TAFAZZIN: variants seen among roughly 807,000 people sequenced by gnomAD.
The protein encoded by TAFAZZIN is tafazzin, phospholipid-lysophospholipid transacylase.
In TAFAZZIN, 6 loss-of-function variants were observed where a neutral mutation model predicts 27.3. The ratio of observed to expected loss-of-function variants is 0.22; its 90% CI spans 0.12 to 0.43. TAFAZZIN has a LOEUF of 0.43. TAFAZZIN is among the 20% of genes least tolerant of loss of function. The pLI is 1.00. For synonymous variants in TAFAZZIN, 79 were observed against 96.2 expected, an observed-to-expected ratio of 0.82 and a Z score of 1.04; for missense variants, 127 against 244.5, an observed-to-expected ratio of 0.52 and a Z score of 3.21.
At chrX:154,420,576 T>TA (rs1485923597) in intron 9 of TAFAZZIN, 82 bp from the exon 10 acceptor site, 51 of 1,085,320 alleles carry the variant, frequency 4.7e-5, no homozygotes, top group Non-Finnish European at 6.1e-5. Flanking sequence ...GGCCGGGGCT[T>TA]AGCTTCTGGC....
At chrX:154,419,961 G>A in intron 7 of TAFAZZIN, 71 bp from the exon 8 acceptor site, 1 of 1,183,192 alleles carries the variant, frequency 8.5e-7, no homozygotes, top group African/African-American at 1.7e-5. Flanking sequence ...GGTGGCAGTG[G>A]CCAGAGGCTG....
In TAFAZZIN at chrX:154,413,238, G is replaced by A. The variant is rs781986219; in HGVS notation, c.270G>A (p.Leu90=). The part of the protein sequence containing the change: ...GILKLRHIWN[L]KLMRWTPAAA... ...TGAAACTCCGCCACATCTGGAACCT[G>A]AAGTTGATGCGTTGGTGAGGAGGAA... The change falls in exon 3 of 11, where the codon CTG becomes CTA. Residue 90 remains leucine, a synonymous_variant. Coordinates refer to ENST00000601016, the MANE Select transcript of TAFAZZIN (RefSeq NM_000116.5). 8 of 1,210,713 alleles carry A rather than the reference G, an allele frequency of 6.6e-6. No homozygotes were observed. In the East Asian group the frequency reaches 2.4e-4, roughly 36 times the overall value.
At chrX:154,412,036 C>T (rs1557190977) in intron 1 of TAFAZZIN, 50 bp from the exon 2 acceptor site, 1 of 1,207,681 alleles carries the variant, frequency 8.3e-7, no homozygotes, top group Non-Finnish European at 1.1e-6. Context: ...ACGCCGCGGC[C>T]CCGACCTAGC....
intron 2 of TAFAZZIN, chrX:154,412,759 C>T (rs1201808661): frequency 1.9e-5 from 4 of 205,622 alleles, no homozygotes; most frequent in African/African-American, 1.2e-4. Context: ...CACTCCTGAA[C>T]AGAGAGCTTA....
In TAFAZZIN at chrX:154,420,675, C is replaced by T. The variant is rs781794488; in HGVS notation, c.717C>T (p.Ile239=). The part of the protein sequence containing the change: ...PRFGQKITVL[I]GKPFSALPVL... ...CCCCACAGAAAATCACTGTGCTGAT[C>T]GGGAAGCCCTTCAGTGCCCTGCCTG... The change falls in exon 10 of 11, where the codon ATC becomes ATT. Residue 239 remains isoleucine, a synonymous_variant. Coordinates refer to ENST00000601016, the MANE Select transcript of TAFAZZIN (RefSeq NM_000116.5). The T allele has an allele frequency of 8.3e-7, 1 of 1,211,439 alleles. No individual in the cohort carries two copies. The highest frequency in any genetic ancestry group is 1.1e-6 in the Non-Finnish European group (1 of 895,334).
chrX:154,411,718 C>T lies in TAFAZZIN; in HGVS notation c.-126C>T, dbSNP rs781986704. Reference sequence around the variant, plus strand: ...CTCGGTCCAGTCCCCTGTTGCGCCGCGCCCCCGTCCGTCCGTGCGCGGGCC... The same window carrying T: ...CTCGGTCCAGTCCCCTGTTGCGCCGTGCCCCCGTCCGTCCGTGCGCGGGCC... On this transcript the variant is annotated 5_prime_UTR_variant, in exon 1 of 11. Transcript: ENST00000601016. 9.4e-6 allele frequency: 6 copies of T among 637,124 alleles called. No homozygotes were observed. The highest frequency in any genetic ancestry group is 1.4e-5 in the Non-Finnish European group (6 of 417,262). The allele number at this position is 637,124 out of a possible 1,213,427, so 52.5% of individuals were successfully genotyped here.
At position 154,419,882 on chromosome X, in the gene TAFAZZIN, T is replaced by G. The variant is rs1416104530; in HGVS notation, c.583+136T>G. ...TTTGTAGCGCCAGGAAGGGGACAGGTGCTGAGACTAGGCCTGCCTCTCGCA... is the reference window on the plus strand; with the variant it reads ...TTTGTAGCGCCAGGAAGGGGACAGGGGCTGAGACTAGGCCTGCCTCTCGCA... On this transcript the variant is annotated intron_variant, in intron 7 of 10. Coordinates refer to ENST00000601016, the MANE Select transcript of TAFAZZIN (RefSeq NM_000116.5). The G allele has an allele frequency of 7.4e-6, 8 of 1,074,492 alleles. No homozygotes were observed. In the East Asian group the frequency reaches 2.1e-4, roughly 29 times the overall value. 88.6% of individuals were successfully genotyped at this position (1,074,492 alleles called of 1,213,427 possible). A position where few individuals can be genotyped will look rare whatever the true frequency, so the allele number is the denominator to read the frequency against.
Position 154,411,675 on chromosome X carries a change from C to T in TAFAZZIN, c.-169C>T, listed in dbSNP as rs1603376078. The T allele has an allele frequency of 1.9e-6, 1 of 515,812 alleles. No individual in the cohort carries two copies. The highest frequency in any genetic ancestry group is 5.2e-4 in the Middle Eastern group (1 of 1,932). 42.5% of individuals were successfully genotyped at this position (515,812 alleles called of 1,213,427 possible). ...AGAGCGGGGCCGGGCGCTGCTCCGGCCTGACCTGCGAAGGGACCTCGGTCC... is the reference window on the plus strand; with the variant it reads ...AGAGCGGGGCCGGGCGCTGCTCCGGTCTGACCTGCGAAGGGACCTCGGTCC... On this transcript the variant is annotated 5_prime_UTR_variant, in exon 1 of 11. Coordinates refer to ENST00000601016, the MANE Select transcript of TAFAZZIN (RefSeq NM_000116.5).
chrX:154,420,548 G>C lies in TAFAZZIN; in HGVS notation c.700-110G>C. 4.5e-6 allele frequency: 4 copies of C among 894,459 alleles called. No individual in the cohort carries two copies. The South Asian group carries it at 6.0e-5, about 13-fold the overall frequency. The allele number at this position is 894,459 out of a possible 1,213,427, so 73.7% of individuals were successfully genotyped here. ...TTTTAGAGGAAGAGTGGCCCCTGGG[G>C]AGTGTGTGGCACAGCAGGGCCGGGG... On this transcript the variant is annotated intron_variant, in intron 9 of 10. Coordinates refer to ENST00000601016, the MANE Select transcript of TAFAZZIN (RefSeq NM_000116.5).
chrX:154,419,985 G>A (rs781979280), intron 7 of TAFAZZIN, 47 bp from the exon 8 acceptor site: 1 of 1,203,959 alleles, frequency 8.3e-7, no homozygotes, highest in South Asian at 1.8e-5. Context: ...CAGAAGCTTG[G>A]CTCAGGGCCC....
At chrX:154,415,880 CAAAAAAA>C (rs140328432) in intron 5 of TAFAZZIN, among the ~76,000 whole-genome samples, 2 of 28,100 alleles carry the variant, frequency 7.1e-5, no homozygotes, top group Admixed American at 5.0e-4. Flanking sequence ...GACCTGGTCT[CAAAAAAA>C]AAAAAAAAAA....
intron 5 of TAFAZZIN, 149 bp from the exon 6 acceptor site, chrX:154,419,394 G>A: frequency 1.7e-6 from 1 of 583,436 alleles, no homozygotes; most frequent in Non-Finnish European, 2.8e-6. Context: ...TTCCCAGCAA[G>A]CAGGGACTGA....
At chrX:154,415,532 G>GTAGA (rs1307378368) in intron 5 of TAFAZZIN, among the ~76,000 whole-genome samples, 28 of 111,252 alleles carry the variant, frequency 2.5e-4, no homozygotes, top group African/African-American at 8.5e-4. Flanking sequence ...AGGTACGTAG[G>GTAGA]TAGATAGATA....
chrX:154,420,752 G>A lies in TAFAZZIN; in HGVS notation c.777+17G>A. On this transcript the variant is annotated intron_variant, in intron 10 of 10. Coordinates refer to ENST00000601016, the MANE Select transcript of TAFAZZIN (RefSeq NM_000116.5). ...AAGTCGGCTGTGAGTTTCCTCCTGG[G>A]TCCCCCGTAGCTGTCCCCGGACCCC... The A allele has an allele frequency of 3.3e-6, 4 of 1,210,006 alleles. No homozygotes were observed. Among genetic ancestry groups the A allele is most frequent in the Non-Finnish European group, 4.5e-6 (4 of 894,156 alleles).
At position 154,420,666 on chromosome X, in the gene TAFAZZIN, T is replaced by C; in HGVS notation, c.708T>C (p.Thr236=). The part of the protein sequence containing the change: ...PYFPRFGQKI[T]VLIGKPFSAL... ...TGGCGGCCACCCCACAGAAAATCACTGTGCTGATCGGGAAGCCCTTCAGTG... is the reference window on the plus strand; with the variant it reads ...TGGCGGCCACCCCACAGAAAATCACCGTGCTGATCGGGAAGCCCTTCAGTG... Residue 236 remains threonine, a synonymous_variant, in exon 10 of 11, where the codon ACT becomes ACC. Coordinates refer to ENST00000601016, the MANE Select transcript of TAFAZZIN (RefSeq NM_000116.5). 1 of 1,211,092 alleles carries C rather than the reference T, an allele frequency of 8.3e-7. No homozygotes were observed. Among genetic ancestry groups the C allele is most frequent in the Non-Finnish European group, 1.1e-6 (1 of 895,251 alleles).
Position 154,411,621 on chromosome X carries a change from G to A in TAFAZZIN, c.-223G>A, listed in dbSNP as rs1168742600. ...GTTCCGCAGCGCGCCCACGGCCTGT[G>A]ACCCCGGCGACCGCTCCCCAGTGAC... On this transcript the variant is annotated 5_prime_UTR_variant, in exon 1 of 11. Coordinates refer to ENST00000601016, the MANE Select transcript of TAFAZZIN (RefSeq NM_000116.5). The A allele has an allele frequency of 2.2e-6, 1 of 461,514 alleles. No individual in the cohort carries two copies. Among genetic ancestry groups the A allele is most frequent in the Non-Finnish European group, 3.9e-6 (1 of 257,591 alleles). 38.0% of individuals were successfully genotyped at this position (461,514 alleles called of 1,213,427 possible).
chrX:154,413,954 T>C (rs1016489944), intron 4 of TAFAZZIN, 147 bp from the exon 5 acceptor site: 2 of 509,830 alleles, frequency 3.9e-6, no homozygotes, highest in Non-Finnish European at 7.1e-6. Flanking sequence ...AACAGGCTTG[T>C]GGGGTGAGAA....
At chrX:154,412,004 G>A in intron 1 of TAFAZZIN, 52 bp downstream of exon 1, 2 of 1,203,333 alleles carry the variant, frequency 1.7e-6, no homozygotes, top group Non-Finnish European at 2.2e-6. Context: ...TGCCCGGCCG[G>A]AGGTGGGACT....
At position 154,414,564 on chromosome X, in the gene TAFAZZIN, C is replaced by T. The variant is rs782431270; in HGVS notation, c.460+374C>T. Among the ~76,000 whole-genome samples, 11 of 107,065 alleles carry T rather than the reference C, an allele frequency of 1.0e-4. No individual in the cohort carries two copies. The South Asian group carries it at 4.6e-3, about 44-fold the overall frequency. 93.0% of individuals were successfully genotyped at this position (107,065 alleles called of 115,157 possible). On this transcript the variant is annotated intron_variant, in intron 5 of 10. Coordinates refer to ENST00000601016, the MANE Select transcript of TAFAZZIN (RefSeq NM_000116.5). ...AAAATTAGCTGGGCATGGTAGTGGG[C>T]GCCTGTAGTCCCAGCTACTCGGGAG...
Sources: allele counts gnomAD v4.1 joint callset (sites outside exome capture counted in the v4.1 genomes callset), GRCh38; gene constraint gnomAD v4.1.1; transcripts MANE v1.5; gene names NCBI Gene and HGNC (gene_info 2026-07-23, HGNC 2026-07-21).